The following DNAH11 variants were observed in gnomAD, a reference collection of about 807,000 sequenced individuals.
DNAH11 encodes the protein dynein axonemal heavy chain 11.
In DNAH11, 442 loss-of-function variants were observed where a neutral mutation model predicts 526.0. The ratio of observed to expected loss-of-function variants is 0.84; its 90% CI spans 0.78 to 0.91. The LOEUF is 0.91. Among genes scored for constraint, DNAH11 ranks in the 40% least tolerant of loss-of-function variants. The probability of loss-of-function intolerance (pLI) is 0.00; values close to 1 mark genes in which losing one functional copy is unlikely to be tolerated. For synonymous variants in DNAH11, 2,461 were observed against 1,935.9 expected (o/e 1.27, Z -7.12); for missense variants, 6,989 against 5,448.7 (o/e 1.28, Z -8.90).
intron 65 of DNAH11, among the ~76,000 whole-genome samples, chr7:21,820,767 G>T (rs1029535136): frequency 1.3e-5 from 2 of 152,124 alleles, no homozygotes; most frequent in Non-Finnish European, 2.9e-5. Flanking sequence ...TACACTAGTT[G>T]GTAGTACCAA....
intron 56 of DNAH11, among the ~76,000 whole-genome samples, chr7:21,776,462 G>A (rs929376869): frequency 6.6e-6 from 1 of 152,144 alleles, no homozygotes; most frequent in Admixed American, 6.5e-5. Flanking sequence ...GTATATTGGG[G>A]CATGTATCCT....
chr7:21,684,785 C>T (rs150774861), intron 32 of DNAH11, among the ~76,000 whole-genome samples: 1 of 152,216 alleles, frequency 6.6e-6, no homozygotes, highest in Non-Finnish European at 1.5e-5. Flanking sequence ...CATACCTAGT[C>T]AGAATATTGC....
intron 8 of DNAH11, among the ~76,000 whole-genome samples, chr7:21,573,749 T>C (rs1310790426): frequency 6.6e-6 from 1 of 152,204 alleles, no homozygotes; most frequent in East Asian, 1.9e-4. Flanking sequence ...TCCCCTCCCA[T>C]TGCATTCACC....
At chr7:21,731,153 A>T (rs956179619) in intron 45 of DNAH11, among the ~76,000 whole-genome samples, 2 of 152,184 alleles carry the variant, frequency 1.3e-5, no homozygotes, top group African/African-American at 4.8e-5. Flanking sequence ...CGAAAAAAAA[A>T]AACTATGTGA....
At chr7:21,890,540 G>C (rs561280801) in intron 76 of DNAH11, among the ~76,000 whole-genome samples, 61 of 152,232 alleles carry the variant, frequency 4.0e-4, no homozygotes, top group African/African-American at 1.4e-3. Flanking sequence ...CAATTTCCTA[G>C]TAAGCACAAA....
Position 21,742,051 on chromosome 7 carries a change from C to T in DNAH11, c.8039C>T (p.Pro2680Leu). ...AFAPSILRSG[P>L]TLIQATIAFH... Reference sequence around the variant, plus strand: ...GCTCCATCAATTCTCAGGAGTGGCCCCACTTTGATCCAGGCAACAATAGCA... The same window carrying T: ...GCTCCATCAATTCTCAGGAGTGGCCTCACTTTGATCCAGGCAACAATAGCA... Residue 2680 changes from proline (P) to leucine (L), a missense_variant, in exon 49 of 82, where the codon CCC (proline) becomes CTC (leucine). Physicochemically the swap from Pro to Leu is moderately conservative, Grantham distance 98. Transcript: ENST00000409508. The T allele has an allele frequency of 6.2e-7, 1 of 1,613,894 alleles. No individual in the cohort carries two copies. Among genetic ancestry groups the T allele is most frequent in the South Asian group, 1.1e-5 (1 of 91,070 alleles).
chr7:21,686,894 G>C lies in DNAH11; in HGVS notation c.5622-205G>C, dbSNP rs114213240. Among the ~76,000 whole-genome samples, 440 of 152,160 alleles carry C rather than the reference G, an allele frequency of 2.9e-3. 3 individuals carry two copies. The highest frequency in any genetic ancestry group is 0.01 in the African/African-American group (418 of 41,532). On this transcript the variant is annotated intron_variant, in intron 32 of 81. Coordinates refer to ENST00000409508, the MANE Select transcript of DNAH11 (RefSeq NM_001277115.2). ...AAACAAAGAAATACATTCTTTTCTAGTATTTTTAGACAGCTAGCCTAAAAA... is the reference window on the plus strand; with the variant it reads ...AAACAAAGAAATACATTCTTTTCTACTATTTTTAGACAGCTAGCCTAAAAA...
chr7:21,582,001 G>A lies in DNAH11; in HGVS notation c.1690G>A (p.Gly564Ser). 1 of 1,611,608 alleles carries A rather than the reference G, an allele frequency of 6.2e-7. No individual in the cohort carries two copies. Among genetic ancestry groups the A allele is most frequent in the Non-Finnish European group, 8.5e-7 (1 of 1,178,034 alleles). ...IICEAFFNCN[G>S]LEAAFKLLTI... ...TTGTGAAGCTTTCTTTAACTGCAAT[G>A]GCTTAGAAGCTGCATTTAAGGTTAG... The change falls in exon 9 of 82, where the codon GGC becomes AGC. Residue 564 changes from glycine (G) to serine (S), a missense_variant. By Grantham distance (56) the Gly-to-Ser change is moderately conservative (BLOSUM62 0). Coordinates refer to ENST00000409508, the MANE Select transcript of DNAH11 (RefSeq NM_001277115.2).
intron 46 of DNAH11, 107 bp from the exon 47 acceptor site, chr7:21,738,594 C>A (rs1194239349): frequency 1.1e-5 from 13 of 1,208,070 alleles, no homozygotes; most frequent in Middle Eastern, 5.6e-4. Flanking sequence ...ATACCTGAAA[C>A]CACAGGGTGG....
Position 21,801,400 on chromosome 7 carries a change from T to C in DNAH11, c.10165+125T>C. 3.1e-6 allele frequency: 4 copies of C among 1,303,332 alleles called. No homozygotes were observed. In the South Asian group the frequency reaches 5.9e-5, roughly 19 times the overall value. The allele number at this position is 1,303,332 out of a possible 1,614,324, so 80.7% of individuals were successfully genotyped here. On this transcript the variant is annotated intron_variant, in intron 62 of 81. Coordinates refer to ENST00000409508, the MANE Select transcript of DNAH11 (RefSeq NM_001277115.2). Reference sequence around the variant, plus strand: ...AACAACAAAGGATAATATTTGATAATCACTCATCCTGTGGCTCTAACTCAC... The same window carrying C: ...AACAACAAAGGATAATATTTGATAACCACTCATCCTGTGGCTCTAACTCAC...
intron 28 of DNAH11, among the ~76,000 whole-genome samples, chr7:21,641,686 T>C (rs546203612): frequency 1.3e-5 from 2 of 152,354 alleles, no homozygotes; most frequent in Non-Finnish European, 2.9e-5. Flanking sequence ...ATTTCAGTGA[T>C]GTGCTTTTTA....
At chr7:21,889,360 T>C (rs977166092) in intron 76 of DNAH11, among the ~76,000 whole-genome samples, 1 of 152,232 alleles carries the variant, frequency 6.6e-6, no homozygotes, top group Non-Finnish European at 1.5e-5. Context: ...TGAACTTTTA[T>C]GTACAAATTT....
In DNAH11 at chr7:21,589,400, A is replaced by G. The variant is rs191266255; in HGVS notation, c.2166A>G (p.Pro722=). 1,658 of 1,595,834 alleles carry G rather than the reference A, an allele frequency of 1.0e-3. 2 individuals are homozygous for G. Among genetic ancestry groups the G allele is most frequent in the Non-Finnish European group, 1.3e-3 (1,530 of 1,173,402 alleles). ...INGLLCVNFD[P]KLVAVLREVK... Reference sequence around the variant, plus strand: ...GTCTTCTCTGTGTCAATTTTGACCCAAAGGTAGGGATTTGATTTTTTAAGA... The same window carrying G: ...GTCTTCTCTGTGTCAATTTTGACCCGAAGGTAGGGATTTGATTTTTTAAGA... The change falls in exon 12 of 82, where the codon CCA becomes CCG. Residue 722 remains proline (P), a synonymous_variant. Coordinates refer to ENST00000409508, the MANE Select transcript of DNAH11 (RefSeq NM_001277115.2).
In DNAH11 at chr7:21,899,974, C is replaced by G. The variant is rs769511492; in HGVS notation, c.13163-6C>G. The G allele has an allele frequency of 6.2e-7, 1 of 1,613,168 alleles. No homozygotes were observed. The highest frequency in any genetic ancestry group is 1.1e-5 in the South Asian group (1 of 90,994). Reference sequence around the variant, plus strand: ...ATCCTATTCAATTTTTGTTATATTTCCAAAGCAATCATGCAGACGATGGCT... The same window carrying G: ...ATCCTATTCAATTTTTGTTATATTTGCAAAGCAATCATGCAGACGATGGCT... On this transcript the variant is annotated splice_region_variant and splice_polypyrimidine_tract_variant and intron_variant, in intron 80 of 81. Transcript: ENST00000409508.
chr7:21,749,719 C>G lies in DNAH11; in HGVS notation c.8715C>G (p.Asn2905Lys). The stretch of plus-strand genomic sequence containing the variant: ...TGTACATCCGAACTGGAGCCAAGAA[C>G]ATGCCCACTGTGTTCCTGCTGACAG... ...ANLYIRTGAK[N>K]MPTVFLLTDA... Residue 2905 changes from asparagine to lysine, a missense_variant, in exon 53 of 82, where the codon AAC (asparagine) becomes AAG (lysine). By Grantham distance (94) the Asn-to-Lys change is moderately conservative. Transcript: ENST00000409508. The G allele has an allele frequency of 6.2e-7, 1 of 1,613,988 alleles. No homozygotes were observed. Among genetic ancestry groups the G allele is most frequent in the Admixed American group, 1.7e-5 (1 of 60,026 alleles).
intron 68 of DNAH11, among the ~76,000 whole-genome samples, chr7:21,857,662 G>A (rs1782904853): frequency 6.6e-6 from 1 of 152,128 alleles, no homozygotes. Context: ...GGAGAATCCC[G>A]AGGTACACCC....
At position 21,816,019 on chromosome 7, in the gene DNAH11, G is replaced by C. The variant is rs549528494; in HGVS notation, c.10333-448G>C. On this transcript the variant is annotated intron_variant, in intron 63 of 81. Coordinates refer to ENST00000409508, the MANE Select transcript of DNAH11 (RefSeq NM_001277115.2). ...ACTTTCCATTAATCCATCCCAGAGA[G>C]ATAGGTCATCTCTTTGTAGCACTGG... Among the ~76,000 whole-genome samples the C allele has an allele frequency of 2.6e-5, 4 of 152,192 alleles. No homozygotes were observed. The South Asian group carries it at 8.3e-4, about 32-fold the overall frequency.
At chr7:21,657,911 G>C (rs4722043) in intron 29 of DNAH11, among the ~76,000 whole-genome samples, 56,205 of 151,716 alleles carry the variant, frequency 0.37, 12,143 homozygotes, top group Non-Finnish European at 0.49. Flanking sequence ...GAATGCTGCT[G>C]CTCTCTTCAC....
intron 54 of DNAH11, among the ~76,000 whole-genome samples, chr7:21,756,744 C>A (rs560055432): frequency 1.3e-5 from 2 of 152,184 alleles, no homozygotes; most frequent in South Asian, 4.1e-4. Context: ...TTTATTCTGG[C>A]TGAACTTTAA....
Sources: gnomAD v4.1 joint callset for allele counts (sites outside exome capture counted in the v4.1 genomes callset) on GRCh38, gnomAD v4.1.1 for gene constraint, MANE v1.5 for transcripts, NCBI Gene and HGNC (gene_info 2026-07-23, HGNC 2026-07-21) for gene names.